Variants in MTURN observed in about 807,000 individuals in gnomAD.
MTURN encodes the protein maturin, neural progenitor differentiation regulator homolog.
In MTURN, 7 loss-of-function variants were observed where a neutral mutation model predicts 14.9. The ratio of observed to expected loss-of-function variants is 0.47; its 90% CI spans 0.27 to 0.88. The LOEUF is 0.88. MTURN is among the 40% of genes least tolerant of loss of function. MTURN has a pLI of 0.14. For missense variants in MTURN, 151 were observed against 174.1 expected (o/e 0.87, Z 0.75); for synonymous variants, 69 against 72.5 (o/e 0.95, Z 0.25).
At chr7:30,146,106 T>C (rs1797124810) in intron 1 of MTURN, 71 bp from the exon 2 acceptor site, 1 of 1,604,066 alleles carries the variant, frequency 6.2e-7, no homozygotes, top group South Asian at 1.1e-5. Context: ...TGCTTGGCTT[T>C]TCTGAACTTC....
chr7:30,158,369 G>A lies in MTURN; in HGVS notation c.*821G>A, dbSNP rs1797319335. 6.6e-6 allele frequency: 1 copy of A among 152,630 alleles called. No homozygotes were observed. The allele number at this position is 152,630 out of a possible 1,614,324, so 9.5% of individuals were successfully genotyped here. On this transcript the variant is annotated 3_prime_UTR_variant, in exon 3 of 3. Coordinates refer to ENST00000324453, the MANE Select transcript of MTURN (RefSeq NM_152793.3). Reference sequence around the variant, plus strand: ...TCTCTTTCTAATGAGATGGCCGCTTGTTAAATCATGAAAACATCCAGAATT... The same window carrying A: ...TCTCTTTCTAATGAGATGGCCGCTTATTAAATCATGAAAACATCCAGAATT...
chr7:30,148,973 A>G (rs1053749093), intron 2 of MTURN, among the ~76,000 whole-genome samples: 1 of 152,012 alleles, frequency 6.6e-6, no homozygotes, highest in African/African-American at 2.4e-5. Context: ...ACAGGGGCTC[A>G]CTCATTGACC....
rs546161603 is a variant in MTURN, at chr7:30,157,491, C to G, written c.339C>G (p.Asp113Glu). ...DDDAFEEYSA[D>E]VEEEEPEADH... The stretch of plus-strand genomic sequence containing the variant: ...ATGCGTTTGAAGAGTACAGTGCTGA[C>G]GTGGAAGAAGAGGAGCCAGAGGCGG... Residue 113 changes from aspartate (D) to glutamate (E), a missense_variant, in exon 3 of 3, where the codon GAC (aspartate) becomes GAG (glutamate). Transcript: ENST00000324453. 6.2e-7 allele frequency: 1 copy of G among 1,607,074 alleles called. No individual in the cohort carries two copies. The highest frequency in any genetic ancestry group is 8.5e-7 in the Non-Finnish European group (1 of 1,177,090).
intron 1 of MTURN, among the ~76,000 whole-genome samples, chr7:30,139,895 C>G (rs1797022466): frequency 6.6e-6 from 1 of 152,158 alleles, no homozygotes; most frequent in Admixed American, 6.5e-5. Context: ...CTGCTAGTGC[C>G]CTGTGTGTGG....
At chr7:30,142,131 G>A (rs368297625) in intron 1 of MTURN, among the ~76,000 whole-genome samples, 18 of 152,274 alleles carry the variant, frequency 1.2e-4, no homozygotes, top group African/African-American at 3.1e-4. Context: ...TGGATATTCC[G>A]ATCTACATTG....
At chr7:30,135,335 G>C (rs771603989) in intron 1 of MTURN, 37 bp downstream of exon 1, 1 of 1,478,680 alleles carries the variant, frequency 6.8e-7, no homozygotes, top group Non-Finnish European at 9.0e-7. Flanking sequence ...GAGCCGGCGG[G>C]AGTGTGGACG....
At chr7:30,136,220 G>T (rs1444949234) in intron 1 of MTURN, among the ~76,000 whole-genome samples, 3 of 152,238 alleles carry the variant, frequency 2.0e-5, no homozygotes, top group African/African-American at 7.2e-5. Context: ...GGACTGCGGT[G>T]TCCAAACCTT....
At chr7:30,141,756 C>G (rs897222462) in intron 1 of MTURN, among the ~76,000 whole-genome samples, 1 of 152,198 alleles carries the variant, frequency 6.6e-6, no homozygotes, top group African/African-American at 2.4e-5. Context: ...CTCCTGGTCT[C>G]AAGCAGCTCT....
At chr7:30,140,041 TGG>T (rs1797024541) in intron 1 of MTURN, among the ~76,000 whole-genome samples, 1 of 152,144 alleles carries the variant, frequency 6.6e-6, no homozygotes, top group African/African-American at 2.4e-5. Flanking sequence ...AGGCTTGGAA[TGG>T]GGTGTCAGCA....
chr7:30,154,476 A>G (rs1202078980), intron 2 of MTURN, among the ~76,000 whole-genome samples: 1 of 152,204 alleles, frequency 6.6e-6, no homozygotes, highest in Non-Finnish European at 1.5e-5. Context: ...GCTAGATTAC[A>G]TCACATCACA....
chr7:30,156,229 G>A (rs576409446), intron 2 of MTURN, among the ~76,000 whole-genome samples: 11 of 152,164 alleles, frequency 7.2e-5, no homozygotes, highest in South Asian at 6.2e-4. Flanking sequence ...TATTTTGAAC[G>A]TCCCACATAA....
rs926257687 is a variant in MTURN, at chr7:30,158,597, G to C, written c.*1049G>C. On this transcript the variant is annotated 3_prime_UTR_variant, in exon 3 of 3. Transcript: ENST00000324453. ...CGAGGGACTTAATTGTGGTGTATTT[G>C]TAAAGGGACACGAAGGTAGGAATCT... 1 of 152,058 alleles carries C rather than the reference G, an allele frequency of 6.6e-6. No individual in the cohort carries two copies. The highest frequency in any genetic ancestry group is 1.5e-5 in the Non-Finnish European group (1 of 68,012). 9.4% of individuals were successfully genotyped at this position (152,058 alleles called of 1,614,324 possible).
intron 2 of MTURN, among the ~76,000 whole-genome samples, chr7:30,154,531 G>A (rs539728760): frequency 9.1e-4 from 138 of 152,304 alleles, no homozygotes; most frequent in Non-Finnish European, 1.5e-3. Context: ...GATCATGGCT[G>A]CCTTCAATCT....
At chr7:30,138,003 G>A (rs1343597507) in intron 1 of MTURN, among the ~76,000 whole-genome samples, 1 of 152,206 alleles carries the variant, frequency 6.6e-6, no homozygotes, top group African/African-American at 2.4e-5. Flanking sequence ...AGGAAGCAGT[G>A]TGGTGTGGTG....
intron 1 of MTURN, among the ~76,000 whole-genome samples, chr7:30,142,784 C>G (rs956821007): frequency 6.6e-5 from 10 of 152,222 alleles, no homozygotes; most frequent in African/African-American, 2.2e-4. Context: ...CAAGGGAGTC[C>G]TGCAGGCTGT....
rs1438606535 is a variant in MTURN at position 30,159,489 on chromosome 7, T to C, written c.*1941T>C. 1.3e-5 allele frequency: 2 copies of C among 152,638 alleles called. No homozygotes were observed. The highest frequency in any genetic ancestry group is 3.8e-4 in the East Asian group (2 of 5,198). The allele number at this position is 152,638 out of a possible 1,614,324, so 9.5% of individuals were successfully genotyped here. A position where few individuals can be genotyped will look rare whatever the true frequency, so the allele number is the denominator to read the frequency against. Reference sequence around the variant, plus strand: ...GCTTAAAATCTAAATTTATGTATGTTTGGAAATGGAATGGACATTAACATA... The same window carrying C: ...GCTTAAAATCTAAATTTATGTATGTCTGGAAATGGAATGGACATTAACATA... On this transcript the variant is annotated 3_prime_UTR_variant, in exon 3 of 3. Transcript: ENST00000324453.
In MTURN at chr7:30,135,864, T is replaced by A. The variant is rs1014995366; in HGVS notation, c.162+566T>A. Among the ~76,000 whole-genome samples the A allele has an allele frequency of 4.6e-5, 7 of 152,242 alleles. No homozygotes were observed. In the South Asian group the frequency reaches 6.2e-4, roughly 13 times the overall value. The stretch of plus-strand genomic sequence containing the variant: ...CGGGTTAGTCCTTGCACTGCCTGTT[T>A]GGACACAAAGCTCTGTCCATACTAG... On this transcript the variant is annotated intron_variant, in intron 1 of 2. Transcript: ENST00000324453.
intron 2 of MTURN, among the ~76,000 whole-genome samples, chr7:30,147,088 G>C (rs1307457702): frequency 6.6e-6 from 1 of 152,156 alleles, no homozygotes; most frequent in Non-Finnish European, 1.5e-5. Context: ...CTTCTCTGCT[G>C]CGTTTTTCAA....
intron 2 of MTURN, among the ~76,000 whole-genome samples, chr7:30,149,263 G>A (rs1408280332): frequency 1.3e-5 from 2 of 152,226 alleles, no homozygotes; most frequent in Non-Finnish European, 2.9e-5. Flanking sequence ...CACAGCTTTG[G>A]TGTGCTGTTG....
Sources: allele counts gnomAD v4.1 joint callset (sites outside exome capture counted in the v4.1 genomes callset), GRCh38; gene constraint gnomAD v4.1.1; transcripts MANE v1.5; gene names NCBI Gene and HGNC (gene_info 2026-07-23, HGNC 2026-07-21).